Variants in MTERF4 observed in about 807,000 individuals in gnomAD.
MTERF4 encodes transcription termination factor 4, mitochondrial.
In MTERF4, 17 loss-of-function variants were observed where a neutral mutation model predicts 22.5. That is an observed-to-expected ratio of 0.75 (90% confidence interval 0.52 to 1.13). The LOEUF is 1.13. Ranked by LOEUF, MTERF4 falls within the 50% of genes most tolerant of loss-of-function variation. The probability of loss-of-function intolerance (pLI) is 0.00; values close to 1 mark genes in which losing one functional copy is unlikely to be tolerated. For missense variants in MTERF4, 420 were observed against 466.8 expected, an observed-to-expected ratio of 0.90 and a Z score of 0.92; for synonymous variants, 165 against 175.3, an observed-to-expected ratio of 0.94 and a Z score of 0.47.
At chr2:241,045,707 C>A in the MTERF4 span, among the ~76,000 whole-genome samples, 7 of 133,294 alleles carry the variant, frequency 5.3e-5, no homozygotes, top group African/African-American at 5.6e-5. Context: ...TAGAAGAAAA[C>A]ATAGGCAAAA....
rs527256124 is a variant in MTERF4 at position 241,096,041 on chromosome 2, G to A, written c.1103C>T (p.Ala368Val). ...GTCCTCATCCTCATCATTGTCCTCC[G>A]CCTCGTCGTCGTCCTCATCATCGTC... ...EDDDDEDDDE[A>V]EDNDEDEDDD... Residue 368 changes from alanine (A) to valine (V), a missense_variant, in exon 4 of 4, where the codon GCG (alanine) becomes GTG (valine). Transcript: ENST00000391980. The surrounding 1 kb of genome is among the most constrained non-coding windows in gnomAD (Gnocchi z 5.1). The A allele has an allele frequency of 1.3e-4, 212 of 1,611,670 alleles. 1 individual carries two copies. The South Asian group carries it at 2.1e-3, about 16-fold the overall frequency.
At chr2:241,063,423 A>T in the MTERF4 span, 1 of 633,794 alleles carries the variant, frequency 1.6e-6, no homozygotes, top group East Asian at 2.8e-5. Flanking sequence ...CCTCCCGAGG[A>T]GGGGTGGGTT....
downstream of MTERF4, chr2:241,069,776 C>T (rs2062623757): frequency 6.4e-6 from 6 of 939,282 alleles, no homozygotes; most frequent in African/African-American, 3.3e-5. The surrounding 1 kb of genome is among the most constrained non-coding windows in gnomAD (Gnocchi z 4.9). Flanking sequence ...GCCCACACCC[C>T]GCCTCGGCAC....
chr2:241,068,867 G>A (rs1416168995), downstream of MTERF4: 1 of 1,371,526 alleles, frequency 7.3e-7, no homozygotes, highest in Admixed American at 2.1e-5. The surrounding 1 kb of genome is among the most constrained non-coding windows in gnomAD (Gnocchi z 5.3). Context: ...TCACACACAG[G>A]TCCCAGACAT....
chr2:241,064,251 C>T, the MTERF4 span: 16 of 659,188 alleles, frequency 2.4e-5, no homozygotes, highest in South Asian at 1.9e-4. This position sits in a 1 kb window ranked among gnomAD's most constrained non-coding sequence, Gnocchi z 7.0. Flanking sequence ...GCCCTCTGCC[C>T]GCCGCCTTGG....
Position 241,096,112 on chromosome 2 carries a change from A to G in MTERF4, c.1032T>C (p.Asp344=). The G allele has an allele frequency of 6.2e-7, 1 of 1,607,122 alleles. No individual in the cohort carries two copies. The highest frequency in any genetic ancestry group is 8.5e-7 in the Non-Finnish European group (1 of 1,179,368). Residue 344 remains aspartate (D), a synonymous_variant, in exon 4 of 4, where the codon GAT becomes GAC. Transcript: ENST00000391980. This position sits in a 1 kb window ranked among gnomAD's most constrained non-coding sequence, Gnocchi z 5.1. ...DKRASLDEDE[D]DDDEEDNDED... is the part of the protein sequence containing the mutation. ...CATCATTGTCCTCCTCATCATCGTCATCCTCATCCTCATCCAGACTTGCCC... is the reference window on the plus strand; with the variant it reads ...CATCATTGTCCTCCTCATCATCGTCGTCCTCATCCTCATCCAGACTTGCCC...
chr2:241,063,839 G>A, the MTERF4 span: 4 of 785,148 alleles, frequency 5.1e-6, no homozygotes, highest in Non-Finnish European at 8.2e-6. Context: ...CACCTTGGGA[G>A]GGAGGGGTGG....
chr2:241,094,292 T>C, downstream of MTERF4: 1 of 469,458 alleles, frequency 2.1e-6, no homozygotes, highest in South Asian at 1.6e-5. The surrounding 1 kb of genome is among the most constrained non-coding windows in gnomAD (Gnocchi z 4.3). Flanking sequence ...GCACCTCCCC[T>C]TAGCAGGAAC....
At chr2:241,090,286 A>G (rs1344530535), downstream of MTERF4, 18 of 1,546,656 alleles carry the variant, frequency 1.2e-5, no homozygotes, top group Non-Finnish European at 1.5e-5. Flanking sequence ...ACACAGGGGC[A>G]GGATCATCCA....
At chr2:241,090,998 A>C (rs1320739022), downstream of MTERF4, among the ~76,000 whole-genome samples, 2 of 152,222 alleles carry the variant, frequency 1.3e-5, no homozygotes, top group Non-Finnish European at 2.9e-5. Context: ...AGGATTAAGA[A>C]TCCACAAACA....
chr2:241,081,532 G>A, intron 4 of MTERF4: 1 of 646,688 alleles, frequency 1.5e-6, no homozygotes, highest in South Asian at 1.8e-5. Context: ...AGGGCCCAGA[G>A]GCGTTTGGGA....
downstream of MTERF4, chr2:241,087,583 G>C: frequency 6.9e-7 from 1 of 1,458,160 alleles, no homozygotes; most frequent in Non-Finnish European, 9.1e-7. Flanking sequence ...TGAGCCAGGC[G>C]GTCTACTCGC....
At chr2:241,069,900 C>A (rs747502395), downstream of MTERF4, 35 of 1,607,234 alleles carry the variant, frequency 2.2e-5, no homozygotes, top group Non-Finnish European at 2.8e-5. This position sits in a 1 kb window ranked among gnomAD's most constrained non-coding sequence, Gnocchi z 4.9. Context: ...CTCACCTCTC[C>A]CTGCTCCTGC....
chr2:241,046,331 T>C, the MTERF4 span, among the ~76,000 whole-genome samples: 7 of 152,208 alleles, frequency 4.6e-5, no homozygotes, highest in Admixed American at 2.0e-4. Flanking sequence ...TGAAAACTTA[T>C]GTTTACACAC....
the MTERF4 span, among the ~76,000 whole-genome samples, chr2:241,065,808 T>C: frequency 3.3e-5 from 5 of 151,950 alleles, no homozygotes; most frequent in Non-Finnish European, 7.4e-5. Context: ...AGGCATGGGA[T>C]TGGGGCGCAT....
downstream of MTERF4, among the ~76,000 whole-genome samples, chr2:241,085,860 C>CTTTTTTTTTTTTTTT (rs772995766): frequency 8.8e-5 from 7 of 79,190 alleles, no homozygotes; most frequent in Non-Finnish European, 1.4e-4. Context: ...TCTGCGGTTT[C>CTTTTTTTTTTTTTTT]TTTTTTTTTT....
rs2064393710 is a variant in MTERF4 at position 241,096,052 on chromosome 2, G to GTCCTCATCATCGTCATCC, written c.1074_1091dup (p.Glu358_Glu363dup). The GTCCTCATCATCGTCATCC allele has an allele frequency of 1.9e-6, 3 of 1,611,326 alleles. No homozygotes were observed. The highest frequency in any genetic ancestry group is 1.4e-5 in the African/African-American group (1 of 73,446). On this transcript the variant is annotated inframe_insertion, in exon 4 of 4. Transcript: ENST00000391980. This position sits in a 1 kb window ranked among gnomAD's most constrained non-coding sequence, Gnocchi z 5.1. ...CATCATTGTCCTCCGCCTCGTCGTC[G>GTCCTCATCATCGTCATCC]TCCTCATCATCGTCATCCTCATCAT... is the stretch of plus-strand genomic sequence containing the variant.
chr2:241,048,921 T>C, the MTERF4 span: 11,178 of 1,236,972 alleles, frequency 9.0e-3, 71 homozygotes, highest in Non-Finnish European at 0.011. Context: ...CCTGAACCTG[T>C]TGGGGCCACT....
At position 241,099,753 on chromosome 2, in the gene MTERF4, A is replaced by G; in HGVS notation, c.163T>C (p.Leu55=). ...TASNGGVIEE[L]SCVRSNNYVQ... is the part of the protein sequence containing the mutation. ...TAGTTATTGGATCTAACACAAGATA[A>G]CTCCTCAATGACCCCTCCATTGGAG... Residue 55 remains leucine, a synonymous_variant, in exon 2 of 4, where the codon TTA becomes CTA. Transcript: ENST00000391980. 1.2e-6 allele frequency: 2 copies of G among 1,613,884 alleles called. No homozygotes were observed. Among genetic ancestry groups the G allele is most frequent in the Non-Finnish European group, 8.5e-7 (1 of 1,179,960 alleles).
Sources: allele counts gnomAD v4.1 joint callset (sites outside exome capture counted in the v4.1 genomes callset), GRCh38; gene constraint gnomAD v4.1.1; non-coding constraint Gnocchi (gnomAD v3.1); transcripts MANE v1.5; gene names NCBI Gene and HGNC (gene_info 2026-07-23, HGNC 2026-07-21).